Variants in GPC6 observed in about 807,000 individuals in gnomAD.
GPC6 encodes the protein glypican-6.
Under a neutral mutation model 55.2 loss-of-function variants are expected in GPC6, and 14 were observed. That is an observed-to-expected ratio of 0.25 (90% CI 0.17 to 0.40). The LOEUF is 0.40. GPC6 is among the 10% of genes least tolerant of loss of function. The pLI is 1.00. For synonymous variants in GPC6, 278 were observed against 259.6 expected, an observed-to-expected ratio of 1.07 and a Z score of -0.68; for missense variants, 641 against 708.5, an observed-to-expected ratio of 0.90 and a Z score of 1.08.
chr13:94,288,840 A>ATT (rs1203418331), intron 5 of GPC6, among the ~76,000 whole-genome samples: 1 of 105,938 alleles, frequency 9.4e-6, no homozygotes, highest in Non-Finnish European at 1.9e-5. Flanking sequence ...TGTTATATAT[A>ATT]ACAAATATAT....
chr13:93,629,690 T>A (rs1879352392), intron 2 of GPC6, among the ~76,000 whole-genome samples: 1 of 152,226 alleles, frequency 6.6e-6, no homozygotes, highest in African/African-American at 2.4e-5. Context: ...TTCAGTAAGT[T>A]CTGCTACTTC....
chr13:93,339,806 A>T (rs563336989), intron 1 of GPC6, among the ~76,000 whole-genome samples: 1 of 152,188 alleles, frequency 6.6e-6, no homozygotes, highest in African/African-American at 2.4e-5. Context: ...TACATCAAAA[A>T]AGCTCTGCTT....
In GPC6 at chr13:93,518,418, C is replaced by G. The variant is rs17300373; in HGVS notation, c.161-26845C>G. ...TCCAATCTGTTAGTCACACCTCTAT[C>G]AGACACCTGGAGGCAAACCCTACTA... On this transcript the variant is annotated intron_variant, in intron 1 of 8. Coordinates refer to ENST00000377047, the MANE Select transcript of GPC6 (RefSeq NM_005708.5). Among the ~76,000 whole-genome samples the G allele has an allele frequency of 3.3e-5, 5 of 151,794 alleles. No individual in the cohort carries two copies. In the East Asian group the frequency reaches 7.8e-4, roughly 24 times the overall value.
At chr13:94,251,678 T>C (rs1164153415) in intron 4 of GPC6, among the ~76,000 whole-genome samples, 1 of 150,928 alleles carries the variant, frequency 6.6e-6, no homozygotes, top group East Asian at 2.0e-4. Flanking sequence ...GCTGTTCTTT[T>C]CAGCTGAATA....
At chr13:93,303,732 C>T (rs144066959) in intron 1 of GPC6, among the ~76,000 whole-genome samples, 10 of 152,064 alleles carry the variant, frequency 6.6e-5, no homozygotes, top group Non-Finnish European at 1.2e-4. Context: ...GGGAAAATTC[C>T]GGCCTCATTT....
At chr13:93,708,433 G>T (rs1281694713) in intron 2 of GPC6, among the ~76,000 whole-genome samples, 1 of 151,642 alleles carries the variant, frequency 6.6e-6, no homozygotes, top group Non-Finnish European at 1.5e-5. Flanking sequence ...GTCTTAAATG[G>T]CATTGTGCTC....
chr13:93,672,175 G>A (rs1038985532), intron 2 of GPC6, among the ~76,000 whole-genome samples: 2 of 146,024 alleles, frequency 1.4e-5, no homozygotes, highest in Admixed American at 6.9e-5. Flanking sequence ...GTAGCTAATA[G>A]TGTGTGAGCC....
chr13:94,036,570 G>T (rs376665188), intron 4 of GPC6, among the ~76,000 whole-genome samples: 168 of 152,042 alleles, frequency 1.1e-3, no homozygotes, highest in African/African-American at 3.9e-3. Context: ...AAATCTCAAG[G>T]CTCGGGAAAT....
At chr13:93,924,696 C>CT (rs10710851) in intron 3 of GPC6, among the ~76,000 whole-genome samples, 3,191 of 128,538 alleles carry the variant, frequency 0.025, 141 homozygotes, top group African/African-American at 0.083. Flanking sequence ...TCTTTCTTTT[C>CT]TTTTTTTTTT....
chr13:93,524,212 T>A (rs1331590252), intron 1 of GPC6, among the ~76,000 whole-genome samples: 1 of 151,984 alleles, frequency 6.6e-6, no homozygotes, highest in Admixed American at 6.6e-5. Flanking sequence ...AGGGTAACTT[T>A]GAGAGGTTTG....
intron 2 of GPC6, among the ~76,000 whole-genome samples, chr13:93,780,024 C>G (rs1269209320): frequency 6.6e-6 from 1 of 151,840 alleles, no homozygotes; most frequent in Non-Finnish European, 1.5e-5. Flanking sequence ...AGAACCAGAC[C>G]CAATACACAT....
chr13:93,609,301 G>A (rs1490260195), intron 2 of GPC6, among the ~76,000 whole-genome samples: 2 of 152,094 alleles, frequency 1.3e-5, no homozygotes, highest in Admixed American at 6.6e-5. Flanking sequence ...TGCAACCTCC[G>A]CCTCCCAGGC....
intron 5 of GPC6, among the ~76,000 whole-genome samples, chr13:94,292,300 A>AAT (rs1875029949): frequency 6.6e-6 from 1 of 152,114 alleles, no homozygotes; most frequent in Non-Finnish European, 1.5e-5. Flanking sequence ...CCACTGAGTC[A>AAT]ATCTCACACA....
chr13:93,564,546 A>C (rs998846439), intron 2 of GPC6, among the ~76,000 whole-genome samples: 2 of 152,216 alleles, frequency 1.3e-5, no homozygotes, highest in African/African-American at 4.8e-5. Context: ...AGACGCTAGA[A>C]GCAGGTTGTG....
At chr13:93,305,142 G>A (rs9524008) in intron 1 of GPC6, among the ~76,000 whole-genome samples, 2,224 of 152,220 alleles carry the variant, frequency 0.015, 22 homozygotes, top group Middle Eastern at 0.027. Flanking sequence ...ACCTGGGGTC[G>A]TTTAAAACAA....
chr13:93,314,845 C>T (rs1879194273), intron 1 of GPC6, among the ~76,000 whole-genome samples: 2 of 151,862 alleles, frequency 1.3e-5, no homozygotes, highest in Non-Finnish European at 2.9e-5. Flanking sequence ...GAGTAAATTG[C>T]AAAGCCAAAG....
chr13:93,910,108 TGTGTTCCCAC>T (rs1206893791), intron 3 of GPC6, among the ~76,000 whole-genome samples: 2 of 152,092 alleles, frequency 1.3e-5, no homozygotes, highest in African/African-American at 4.8e-5. Context: ...ATGGTTTGGC[TGTGTTCCCAC>T]CCAAATATCA....
chr13:94,293,369 A>G (rs1399595519), intron 5 of GPC6, among the ~76,000 whole-genome samples: 2 of 152,162 alleles, frequency 1.3e-5, no homozygotes, highest in Non-Finnish European at 2.9e-5. Context: ...GAGTTTTCAC[A>G]AGATCCAATG....
At chr13:94,027,613 A>C in intron 3 of GPC6, 116 bp from the exon 4 acceptor site, 2 of 869,926 alleles carry the variant, frequency 2.3e-6, no homozygotes, top group Middle Eastern at 4.9e-4. Flanking sequence ...ATTCAAGATC[A>C]GTAATTACAA....
Sources: gnomAD v4.1 joint callset for allele counts (sites outside exome capture counted in the v4.1 genomes callset) on GRCh38, gnomAD v4.1.1 for gene constraint, MANE v1.5 for transcripts, NCBI Gene and HGNC (gene_info 2026-07-23, HGNC 2026-07-21) for gene names.